TMEM45A: variants seen among roughly 807,000 people sequenced by gnomAD.
TMEM45A encodes the protein DNA polymerase-transactivated protein 4.
A neutral mutation model predicts 32.0 loss-of-function variants in TMEM45A; 25 were observed. The ratio of observed to expected loss-of-function variants is 0.78; its 90% confidence interval spans 0.57 to 1.09. The LOEUF (loss-of-function observed/expected upper bound fraction) is 1.09, where lower values mean the gene tolerates loss of function less well. Among genes scored for constraint, TMEM45A ranks in the 50% least tolerant of loss-of-function variants. TMEM45A has a pLI of 0.00. For missense variants in TMEM45A, 302 were observed against 325.0 expected (o/e 0.93, Z 0.54); for synonymous variants, 122 against 114.8 (o/e 1.06, Z -0.40).
chr3:100,519,439 G>A, intron 1 of TMEM45A: 2 of 782,134 alleles, frequency 2.6e-6, no homozygotes, highest in East Asian at 5.4e-5. Context: ...TCAAGTTTCA[G>A]CCTATTGATT....
intron 1 of TMEM45A, among the ~76,000 whole-genome samples, chr3:100,526,540 A>G (rs879559771): frequency 6.6e-6 from 1 of 152,202 alleles, no homozygotes; most frequent in Non-Finnish European, 1.5e-5. Flanking sequence ...GAAGTCATTT[A>G]TCTTTTCTAA....
At chr3:100,576,631 T>TAGAAA (rs1285850542) in intron 5 of TMEM45A, among the ~76,000 whole-genome samples, 1 of 150,712 alleles carries the variant, frequency 6.6e-6, no homozygotes, top group Non-Finnish European at 1.5e-5. Context: ...TAAAAAAAAA[T>TAGAAA]AGAAAAGAAA....
At chr3:100,514,703 G>C (rs1481792468) in intron 1 of TMEM45A, among the ~76,000 whole-genome samples, 1 of 151,978 alleles carries the variant, frequency 6.6e-6, no homozygotes, top group Non-Finnish European at 1.5e-5. Context: ...TACAAAATGG[G>C]AGAAAATGTT....
chr3:100,514,085 C>G (rs1434230619), intron 1 of TMEM45A, among the ~76,000 whole-genome samples: 4 of 152,218 alleles, frequency 2.6e-5, no homozygotes, highest in African/African-American at 9.6e-5. Context: ...CCATCCCTAT[C>G]AAGCTACCAA....
intron 2 of TMEM45A, among the ~76,000 whole-genome samples, chr3:100,555,892 T>C (rs556232292): frequency 1.3e-5 from 2 of 152,358 alleles, no homozygotes; most frequent in Admixed American, 6.5e-5. Flanking sequence ...CCTTGCCAAA[T>C]TCTATAGATT....
intron 1 of TMEM45A, among the ~76,000 whole-genome samples, chr3:100,517,698 C>T (rs1201209526): frequency 6.6e-6 from 1 of 152,136 alleles, no homozygotes; most frequent in Non-Finnish European, 1.5e-5. Context: ...TGGAGGGCAA[C>T]TCTGAGTCTG....
chr3:100,517,602 A>T (rs981682466), intron 1 of TMEM45A, among the ~76,000 whole-genome samples: 2 of 152,210 alleles, frequency 1.3e-5, no homozygotes, highest in Non-Finnish European at 2.9e-5. Context: ...TCAGCCTTTC[A>T]TATTTTTCCT....
intron 1 of TMEM45A, among the ~76,000 whole-genome samples, chr3:100,512,617 C>T (rs1281075820): frequency 6.6e-6 from 1 of 151,040 alleles, no homozygotes; most frequent in Non-Finnish European, 1.5e-5. Flanking sequence ...CAAGAAATAA[C>T]TAAAATCAGA....
chr3:100,530,065 A>G (rs1432564613), intron 1 of TMEM45A, among the ~76,000 whole-genome samples: 5 of 152,192 alleles, frequency 3.3e-5, no homozygotes, highest in Non-Finnish European at 7.3e-5. Flanking sequence ...AAGTATATAT[A>G]AAAATAGAAT....
At chr3:100,556,704 C>T in intron 2 of TMEM45A, 56 bp from the exon 3 acceptor site, 1 of 1,489,662 alleles carries the variant, frequency 6.7e-7, no homozygotes, top group Non-Finnish European at 9.2e-7. Context: ...CCTCCTGCAT[C>T]TTCTTGAATT....
intron 1 of TMEM45A, among the ~76,000 whole-genome samples, chr3:100,498,534 T>C (rs1254977807): frequency 6.6e-6 from 1 of 152,198 alleles, no homozygotes; most frequent in Non-Finnish European, 1.5e-5. Flanking sequence ...GCCTTCACAA[T>C]TGTGTGAACC....
chr3:100,526,181 CT>C (rs1705541505), intron 1 of TMEM45A, among the ~76,000 whole-genome samples: 1 of 152,200 alleles, frequency 6.6e-6, no homozygotes, highest in African/African-American at 2.4e-5. Context: ...TAGCACCCTG[CT>C]GCTGGCAGAG....
At chr3:100,552,195 T>C (rs1706119977) in intron 1 of TMEM45A, among the ~76,000 whole-genome samples, 3 of 152,236 alleles carry the variant, frequency 2.0e-5, no homozygotes, top group Admixed American at 2.0e-4. Context: ...TTTTCTTTCT[T>C]TTTTAATATA....
chr3:100,527,333 T>C (rs1048045586), intron 1 of TMEM45A, among the ~76,000 whole-genome samples: 1 of 152,242 alleles, frequency 6.6e-6, no homozygotes, highest in East Asian at 1.9e-4. Flanking sequence ...AAATGTCTTG[T>C]ATACTATATT....
intron 1 of TMEM45A, among the ~76,000 whole-genome samples, chr3:100,554,690 A>C (rs779646499): frequency 6.6e-6 from 1 of 152,244 alleles, no homozygotes; most frequent in Non-Finnish European, 1.5e-5. Flanking sequence ...AGGCAATTTC[A>C]CATCATTTCA....
intron 5 of TMEM45A, among the ~76,000 whole-genome samples, chr3:100,574,987 G>A (rs1294075580): frequency 6.6e-6 from 1 of 152,122 alleles, no homozygotes; most frequent in Non-Finnish European, 1.5e-5. Flanking sequence ...ACCCCTCTCA[G>A]AGCACAAGTA....
At chr3:100,503,893 C>G (rs1708042006) in intron 1 of TMEM45A, among the ~76,000 whole-genome samples, 1 of 152,222 alleles carries the variant, frequency 6.6e-6, no homozygotes, top group Non-Finnish European at 1.5e-5. Context: ...GGTAGCTTCA[C>G]TCCAGTGTCT....
Position 100,530,329 on chromosome 3 carries a change from T to C in TMEM45A, c.-3-24880T>C, listed in dbSNP as rs367999365. Among the ~76,000 whole-genome samples, 47 of 152,266 alleles carry C rather than the reference T, an allele frequency of 3.1e-4. 2 individuals carry two copies. In the South Asian group the frequency reaches 5.8e-3, roughly 19 times the overall value. On this transcript the variant is annotated intron_variant, in intron 1 of 5. Coordinates refer to ENST00000323523, the MANE Select transcript of TMEM45A (RefSeq NM_018004.3). ...AGCTGGGGACCCAGAGGGTAGTTGA[T>C]GTTGCAATCGCAAAACCAAAGGCAG...
intron 5 of TMEM45A, chr3:100,571,428 T>G (rs903183145): frequency 3.3e-5 from 5 of 152,066 alleles, no homozygotes; most frequent in African/African-American, 9.7e-5. Context: ...ATTGAAAAAT[T>G]TATTAATTAA....
Sources: allele counts gnomAD v4.1 joint callset (sites outside exome capture counted in the v4.1 genomes callset), GRCh38; gene constraint gnomAD v4.1.1; transcripts MANE v1.5; gene names NCBI Gene and HGNC (gene_info 2026-07-23, HGNC 2026-07-21).